The following PCDHGB2 variants were observed in gnomAD, a reference collection of about 807,000 sequenced individuals.
The protein encoded by PCDHGB2 is protocadherin gamma subfamily B, 2.
PCDHGB2 carries 55 observed loss-of-function variants against 59.3 expected under a neutral mutation model. The ratio of observed to expected loss-of-function variants is 0.93; its 90% CI spans 0.75 to 1.16. The LOEUF (loss-of-function observed/expected upper bound fraction) is 1.16, where lower values mean the gene tolerates loss of function less well. Ranked by LOEUF, PCDHGB2 falls within the 50% of genes most tolerant of loss-of-function variation. The pLI is 0.00. For synonymous variants in PCDHGB2, 516 were observed against 512.0 expected, an observed-to-expected ratio of 1.01 and a Z score of -0.11; for missense variants, 1,228 against 1,198.5, an observed-to-expected ratio of 1.02 and a Z score of -0.36.
At chr5:141,392,799 T>A in intron 1 of PCDHGB2, 1 of 1,570,210 alleles carries the variant, frequency 6.4e-7, no homozygotes, top group Non-Finnish European at 8.6e-7. Flanking sequence ...GAGAGGATTC[T>A]GCAGCAAAAC....
In PCDHGB2 at chr5:141,384,156, C is replaced by A. The variant is rs760709557; in HGVS notation, c.2421+21600C>A. The A allele has an allele frequency of 1.9e-6, 3 of 1,613,342 alleles. No individual in the cohort carries two copies. In the African/African-American group the frequency reaches 4.0e-5, roughly 22 times the overall value. On this transcript the variant is annotated intron_variant, in intron 1 of 3. Transcript: ENST00000522605. ...ACCGGGAAACACTCTCTTTGTATAACATCACACTGAAAGCCACAGATGGTG... is the reference window on the plus strand; with the variant it reads ...ACCGGGAAACACTCTCTTTGTATAAAATCACACTGAAAGCCACAGATGGTG...
intron 1 of PCDHGB2, chr5:141,376,715 T>C: frequency 1.6e-6 from 1 of 622,970 alleles, no homozygotes; most frequent in Non-Finnish European, 2.6e-6. Flanking sequence ...AGTCTCGCTC[T>C]GTCGCCCAGG....
chr5:141,371,379 G>C, intron 1 of PCDHGB2: 1 of 1,613,974 alleles, frequency 6.2e-7, no homozygotes, highest in Non-Finnish European at 8.5e-7. Context: ...ACATCACACT[G>C]CATATTGTAA....
At chr5:141,399,736 G>A (rs771689220) in intron 1 of PCDHGB2, 4 of 1,613,306 alleles carry the variant, frequency 2.5e-6, no homozygotes, top group Non-Finnish European at 3.4e-6. Flanking sequence ...GGGCTCGCCT[G>A]CGCTCAGCGC....
At chr5:141,461,821 T>A (rs569091880) in intron 1 of PCDHGB2, among the ~76,000 whole-genome samples, 1 of 151,286 alleles carries the variant, frequency 6.6e-6, no homozygotes, top group South Asian at 2.1e-4. Context: ...ACCCAGCTAA[T>A]TTTTTTTTCT....
At chr5:141,399,751 G>T (rs564705346) in intron 1 of PCDHGB2, 2 of 1,613,322 alleles carry the variant, frequency 1.2e-6, no homozygotes, top group Non-Finnish European at 1.7e-6. Context: ...CAGCGCAAAC[G>T]TGAGCCTGCG....
At chr5:141,378,078 T>A (rs1215089288) in intron 1 of PCDHGB2, 2 of 152,178 alleles carry the variant, frequency 1.3e-5, no homozygotes, top group African/African-American at 4.8e-5. Context: ...GAAAATAATT[T>A]TATAACTTTT....
chr5:141,388,919 G>T, intron 1 of PCDHGB2: 1 of 1,613,998 alleles, frequency 6.2e-7, no homozygotes. Flanking sequence ...CCCCAGAAGT[G>T]ATATTCCAGT....
At chr5:141,483,812 A>C (rs1188806533) in intron 1 of PCDHGB2, among the ~76,000 whole-genome samples, 2 of 152,162 alleles carry the variant, frequency 1.3e-5, no homozygotes, top group Non-Finnish European at 2.9e-5. Context: ...TTTTTTTGGC[A>C]GCCAGTGTAA....
intron 2 of PCDHGB2, among the ~76,000 whole-genome samples, chr5:141,497,501 C>T (rs1268186916): frequency 6.6e-6 from 1 of 151,182 alleles, no homozygotes; most frequent in Non-Finnish European, 1.5e-5. Flanking sequence ...TCTCTCCTCT[C>T]TCTGCTTCCT....
At chr5:141,389,062 T>G (rs991150761) in intron 1 of PCDHGB2, 1 of 1,613,856 alleles carries the variant, frequency 6.2e-7, no homozygotes, top group African/African-American at 1.3e-5. Context: ...TTTAAAATAT[T>G]AACTTCTTCA....
intron 1 of PCDHGB2, chr5:141,415,222 G>C (rs2095844564): frequency 1.2e-6 from 2 of 1,613,990 alleles, no homozygotes; most frequent in African/African-American, 2.7e-5. Context: ...CGGCAGCTTC[G>C]AGTCTCCAGC....
chr5:141,394,624 T>A (rs542816387), intron 1 of PCDHGB2: 6 of 1,612,992 alleles, frequency 3.7e-6, no homozygotes, highest in Non-Finnish European at 5.1e-6. Flanking sequence ...AACGCCTGGC[T>A]GTCCTACCGC....
chr5:141,507,483 T>G (rs2099860964), intron 3 of PCDHGB2, among the ~76,000 whole-genome samples: 1 of 152,184 alleles, frequency 6.6e-6, no homozygotes, highest in South Asian at 2.1e-4. Context: ...GCTGGCCTCC[T>G]GAGGCAGAGC....
rs143252334 is a variant in PCDHGB2 at position 141,431,395 on chromosome 5, T to A, written c.2422-63412T>A. On this transcript the variant is annotated intron_variant, in intron 1 of 3. Transcript: ENST00000522605. The surrounding 1 kb of genome is among the most constrained non-coding windows in gnomAD (Gnocchi z 4.8). ...AAAAGGCTGCTCACCACCTGGTCCT[T>A]ACGGCCTCCGACGGGGGCGACCCGG... 2 of 1,613,720 alleles carry A rather than the reference T, an allele frequency of 1.2e-6. No individual in the cohort carries two copies. Among genetic ancestry groups the A allele is most frequent in the African/African-American group, 2.7e-5 (2 of 74,950 alleles).
At chr5:141,376,294 C>A in intron 1 of PCDHGB2, 4 of 1,614,226 alleles carry the variant, frequency 2.5e-6, no homozygotes, top group Non-Finnish European at 3.4e-6. Flanking sequence ...GCATGCCCGG[C>A]TCGCACTTTG....
chr5:141,400,168 C>G, intron 1 of PCDHGB2: 1 of 1,614,088 alleles, frequency 6.2e-7, no homozygotes, highest in South Asian at 1.1e-5. Context: ...CTCTGACCCC[C>G]AGGCTGAGCT....
rs532216579 is a variant in PCDHGB2, at chr5:141,419,369, T to G, written c.2421+56813T>G. 631 of 1,613,750 alleles carry G rather than the reference T, an allele frequency of 3.9e-4. 5 individuals carry two copies. In the East Asian group the frequency reaches 0.013, roughly 33 times the overall value. On this transcript the variant is annotated intron_variant, in intron 1 of 3. Coordinates refer to ENST00000522605, the MANE Select transcript of PCDHGB2 (RefSeq NM_018923.3). ...CCTGGAGTCACGAACGCTGTCGTCC[T>G]ACGTGTCCGTGAGCGCGCAGAGCGG...
intron 1 of PCDHGB2, chr5:141,398,937 C>G: frequency 6.2e-7 from 1 of 1,613,902 alleles, no homozygotes; most frequent in Non-Finnish European, 8.5e-7. Context: ...CTGACCAAGA[C>G]GAGGGCATCA....
Sources: gnomAD v4.1 joint callset for allele counts (sites outside exome capture counted in the v4.1 genomes callset) on GRCh38, gnomAD v4.1.1 for gene constraint, Gnocchi (gnomAD v3.1) non-coding constraint, MANE v1.5 for transcripts, NCBI Gene and HGNC (gene_info 2026-07-23, HGNC 2026-07-21) for gene names.